Variants in PTPN4 observed in about 807,000 individuals in gnomAD.
PTPN4 encodes the protein tyrosine-protein phosphatase non-receptor type 4.
A neutral mutation model predicts 135.5 loss-of-function variants in PTPN4; 49 were observed. That is an observed-to-expected ratio of 0.36 (90% CI 0.29 to 0.46). The LOEUF (loss-of-function observed/expected upper bound fraction) is 0.46, where lower values mean the gene tolerates loss of function less well. Among genes scored for constraint, PTPN4 ranks in the 20% least tolerant of loss-of-function variants. PTPN4 has a pLI of 1.00. For missense variants in PTPN4, 860 were observed against 1,101.0 expected, an observed-to-expected ratio of 0.78 and a Z score of 3.10; for synonymous variants, 333 against 369.9, an observed-to-expected ratio of 0.90 and a Z score of 1.14.
At chr2:119,864,685 A>G (rs1677807305) in intron 3 of PTPN4, among the ~76,000 whole-genome samples, 1 of 152,168 alleles carries the variant, frequency 6.6e-6, no homozygotes, top group African/African-American at 2.4e-5. Context: ...TAAAAATTCT[A>G]TCACATAAAT....
intron 2 of PTPN4, among the ~76,000 whole-genome samples, chr2:119,840,729 TTC>T (rs1436058863): frequency 6.6e-6 from 1 of 152,250 alleles, no homozygotes; most frequent in African/African-American, 2.4e-5. Context: ...ACATTCCTTT[TTC>T]TCCACAACCT....
Position 119,794,588 on chromosome 2 carries a change from G to A in PTPN4, c.-17-15249G>A, listed in dbSNP as rs147684997. On this transcript the variant is annotated intron_variant, in intron 1 of 26. Transcript: ENST00000263708. The stretch of plus-strand genomic sequence containing the variant: ...CGCTGGGGAATGCGGTGTGGCACCT[G>A]GAAGCTTGGAGATGCCAGAAATCAC... Among the ~76,000 whole-genome samples, 8 of 152,336 alleles carry A rather than the reference G, an allele frequency of 5.3e-5. No individual in the cohort carries two copies. In the East Asian group the frequency reaches 1.4e-3, roughly 26 times the overall value.
chr2:119,816,189 T>C (rs907060679), intron 2 of PTPN4, among the ~76,000 whole-genome samples: 12 of 152,322 alleles, frequency 7.9e-5, no homozygotes, highest in South Asian at 2.1e-4. Flanking sequence ...GTGAACTGGC[T>C]ATTATAACAT....
chr2:119,915,054 A>G, intron 10 of PTPN4, 125 bp from the exon 11 acceptor site: 3 of 720,314 alleles, frequency 4.2e-6, no homozygotes, highest in Middle Eastern at 4.5e-4. Flanking sequence ...TTTATGTACT[A>G]TGTGTATGTA....
At chr2:119,860,150 T>C (rs1434513473) in intron 2 of PTPN4, among the ~76,000 whole-genome samples, 1 of 152,178 alleles carries the variant, frequency 6.6e-6, no homozygotes, top group Non-Finnish European at 1.5e-5. Flanking sequence ...TAAAAAAGAT[T>C]AATGCTTGCT....
chr2:119,788,937 A>G (rs911832892), intron 1 of PTPN4, among the ~76,000 whole-genome samples: 2 of 152,304 alleles, frequency 1.3e-5, no homozygotes, highest in African/African-American at 4.8e-5. Flanking sequence ...ATATAAGCAG[A>G]AGTGAAATTG....
intron 1 of PTPN4, among the ~76,000 whole-genome samples, chr2:119,771,798 ATCT>A (rs1690740221): frequency 1.3e-5 from 2 of 152,122 alleles, no homozygotes; most frequent in East Asian, 1.9e-4. Flanking sequence ...ATGATTTAAA[ATCT>A]TCTTGATGTT....
In PTPN4 at chr2:119,934,818, G is replaced by T. The variant is rs142912227; in HGVS notation, c.1215G>T (p.Thr405=). ...GTPNHRNSTF[T]QEGTRLRPSS... ...TATTTAGTCGAAATTCTACATTCAC[G>T]CAGGAAGGAACCCGGTTACGACCAT... Residue 405 remains threonine (T), a synonymous_variant, in exon 15 of 27, where the codon ACG becomes ACT. Transcript: ENST00000263708. 1 of 1,613,572 alleles carries T rather than the reference G, an allele frequency of 6.2e-7. No homozygotes were observed. Among genetic ancestry groups the T allele is most frequent in the Admixed American group, 1.7e-5 (1 of 59,930 alleles).
intron 2 of PTPN4, among the ~76,000 whole-genome samples, chr2:119,840,926 G>GT (rs1259476197): frequency 2.0e-5 from 3 of 152,060 alleles, no homozygotes; most frequent in African/African-American, 7.2e-5. Flanking sequence ...TAATGGAGTT[G>GT]TTTTTTTCTT....
intron 26 of PTPN4, among the ~76,000 whole-genome samples, chr2:119,972,475 A>G (rs1298317927): frequency 6.6e-6 from 1 of 152,012 alleles, no homozygotes; most frequent in East Asian, 1.9e-4. Context: ...TTTTCTTTTG[A>G]CAAGATCATG....
At chr2:119,760,737 T>TTTTTTC (rs1690473195) in intron 1 of PTPN4, among the ~76,000 whole-genome samples, 1 of 128,502 alleles carries the variant, frequency 7.8e-6, no homozygotes, top group African/African-American at 3.4e-5. Flanking sequence ...GAATTCCTTT[T>TTTTTTC]TTTTTTTTTT....
At chr2:119,783,342 C>T (rs1411591457) in intron 1 of PTPN4, among the ~76,000 whole-genome samples, 1 of 151,340 alleles carries the variant, frequency 6.6e-6, no homozygotes, top group Non-Finnish European at 1.5e-5. Context: ...CAGGGTTATT[C>T]TCTCATTTGT....
intron 3 of PTPN4, among the ~76,000 whole-genome samples, chr2:119,869,371 C>T (rs1677877310): frequency 6.6e-6 from 1 of 152,228 alleles, no homozygotes; most frequent in African/African-American, 2.4e-5. Flanking sequence ...TGCAGTTAAC[C>T]TGGCTGGACC....
intron 10 of PTPN4, among the ~76,000 whole-genome samples, chr2:119,911,126 C>CT (rs1678565155): frequency 6.6e-6 from 1 of 152,066 alleles, no homozygotes; most frequent in African/African-American, 2.4e-5. Context: ...TTTACATAAG[C>CT]TCTTTTAGAC....
intron 1 of PTPN4, among the ~76,000 whole-genome samples, chr2:119,797,356 G>A (rs1474458871): frequency 2.0e-5 from 3 of 152,128 alleles, no homozygotes; most frequent in African/African-American, 7.2e-5. Flanking sequence ...GTATGACAGT[G>A]TCTTGGTTTT....
At chr2:119,766,484 C>CACGCG (rs1690631741) in intron 1 of PTPN4, among the ~76,000 whole-genome samples, 1 of 103,826 alleles carries the variant, frequency 9.6e-6, no homozygotes, top group African/African-American at 4.3e-5. Context: ...GTGTGTGTGT[C>CACGCG]TGTGTGTGTG....
At chr2:119,942,140 A>G (rs573232652) in intron 15 of PTPN4, among the ~76,000 whole-genome samples, 25 of 152,364 alleles carry the variant, frequency 1.6e-4, no homozygotes, top group Non-Finnish European at 3.1e-4. Flanking sequence ...CTGCTCTTTT[A>G]GGACAATAAT....
intron 2 of PTPN4, among the ~76,000 whole-genome samples, chr2:119,812,839 T>G (rs1008204374): frequency 6.6e-6 from 1 of 152,252 alleles, no homozygotes; most frequent in Non-Finnish European, 1.5e-5. Context: ...CATGGATTGA[T>G]GTCTTCAATC....
chr2:119,800,026 C>T (rs913304381), intron 1 of PTPN4, among the ~76,000 whole-genome samples: 6 of 152,120 alleles, frequency 3.9e-5, no homozygotes, highest in African/African-American at 9.7e-5. Flanking sequence ...TCGATACATT[C>T]TTTTTGGGTA....
Sources: allele counts gnomAD v4.1 joint callset (sites outside exome capture counted in the v4.1 genomes callset), GRCh38; gene constraint gnomAD v4.1.1; transcripts MANE v1.5; gene names NCBI Gene and HGNC (gene_info 2026-07-23, HGNC 2026-07-21).